Variants in AGXT2 observed in about 807,000 individuals in gnomAD.
The protein encoded by AGXT2 is alanine--glyoxylate aminotransferase 2, mitochondrial.
In AGXT2, 61 loss-of-function variants were observed where a neutral mutation model predicts 62.5. The ratio of observed to expected loss-of-function variants is 0.98; its 90% CI spans 0.79 to 1.21. The LOEUF (loss-of-function observed/expected upper bound fraction) is 1.21. AGXT2 is among the 50% of genes most tolerant of loss of function. The pLI is 0.00. For missense variants in AGXT2, 666 were observed against 641.5 expected (o/e 1.04, Z -0.41); for synonymous variants, 243 against 218.7 (o/e 1.11, Z -0.98).
chr5:35,010,266 CA>C, intron 11 of AGXT2, 117 bp from the exon 12 acceptor site: 1 of 1,303,556 alleles, frequency 7.7e-7, no homozygotes, highest in Non-Finnish European at 1.1e-6. Flanking sequence ...GAATGCAGAA[CA>C]AGTCTAGTGT....
chr5:35,034,052 G>C (rs1767679104), intron 5 of AGXT2, among the ~76,000 whole-genome samples: 1 of 152,054 alleles, frequency 6.6e-6, no homozygotes, highest in Non-Finnish European at 1.5e-5. Flanking sequence ...TAGTATAAAT[G>C]CTCCTAATCA....
intron 3 of AGXT2, 139 bp downstream of exon 3, chr5:35,039,185 A>G (rs923233899): frequency 2.4e-5 from 24 of 1,007,678 alleles, no homozygotes; most frequent in Middle Eastern, 3.2e-4. Context: ...CTCAGGAAAT[A>G]GCAGGGAGTA....
intron 5 of AGXT2, among the ~76,000 whole-genome samples, chr5:35,034,173 C>A (rs1482132935): frequency 1.3e-5 from 2 of 151,930 alleles, no homozygotes; most frequent in Non-Finnish European, 2.9e-5. Flanking sequence ...TAGGTTGGTG[C>A]AAAAGTAATT....
At chr5:35,032,973 T>G (rs959502998) in intron 6 of AGXT2, 148 bp from the exon 7 acceptor site, 32 of 709,366 alleles carry the variant, frequency 4.5e-5, no homozygotes, top group Non-Finnish European at 7.5e-5. Flanking sequence ...AAGGATCTGC[T>G]TTGAAGAGAT....
intron 12 of AGXT2, among the ~76,000 whole-genome samples, chr5:35,006,076 G>A (rs1258916778): frequency 6.6e-6 from 1 of 152,062 alleles, no homozygotes; most frequent in African/African-American, 2.4e-5. Context: ...ATAATATATG[G>A]TATATCTTGG....
At position 35,033,676 on chromosome 5, in the gene AGXT2, C is replaced by T. The variant is rs16870739; in HGVS notation, c.582-123G>A. The T allele has an allele frequency of 3.3e-3, 2,481 of 745,360 alleles. 27 individuals carry two copies. The highest frequency in any genetic ancestry group is 0.024 in the African/African-American group (1,375 of 57,768). 46.2% of individuals were successfully genotyped at this position (745,360 alleles called of 1,614,324 possible). A position where few individuals can be genotyped will look rare whatever the true frequency, so the allele number is the denominator to read the frequency against. On this transcript the variant is annotated intron_variant, in intron 5 of 13. Transcript: ENST00000231420. ...CATCATTCGCATTCACCTCTGATTT[C>T]TAAGAACGCATCTAAGCTTATGTCG...
At chr5:35,033,092 G>T in intron 6 of AGXT2, 1 of 501,058 alleles carries the variant, frequency 2.0e-6, no homozygotes, top group Non-Finnish European at 3.6e-6. Flanking sequence ...GCATCTGAAA[G>T]AATAAGAATA....
chr5:35,026,132 T>C (rs344514), intron 8 of AGXT2: 567,322 of 592,548 alleles, frequency 0.96, 273,132 homozygotes, highest in Non-Finnish European at 1. Context: ...CTTTGGACAA[T>C]GCGGATGTTA....
chr5:35,042,748 G>A (rs920017938), intron 1 of AGXT2, among the ~76,000 whole-genome samples: 3 of 151,020 alleles, frequency 2.0e-5, no homozygotes, highest in Admixed American at 2.0e-4. Context: ...GTGTGTGTGT[G>A]TGTGTGTGTG....
chr5:35,042,861 T>C (rs1482914620), intron 1 of AGXT2, among the ~76,000 whole-genome samples: 2 of 152,158 alleles, frequency 1.3e-5, no homozygotes, highest in African/African-American at 2.4e-5. Flanking sequence ...GTATTTGTTT[T>C]GTTTTGTCTT....
At position 34,998,750 on chromosome 5, in the gene AGXT2, A is replaced by G; in HGVS notation, c.1514T>C (p.Leu505Ser). ...DFAVEVFRSALTQHMERRAK is the reference protein window; with the variant it reads ...DFAVEVFRSASTQHMERRAK ...AGCTCTTCTTTCCATGTGTTGGGTT[A>G]AGGCAGAACGAAATACTTCTACTGC... The change falls in exon 14 of 14, where the codon TTA (leucine) becomes TCA (serine). Residue 505 changes from leucine (L) to serine (S), a missense_variant. By Grantham distance (145) the Leu-to-Ser change is moderately radical. Coordinates refer to ENST00000231420, the MANE Select transcript of AGXT2 (RefSeq NM_031900.4). 1 of 1,613,858 alleles carries G rather than the reference A, an allele frequency of 6.2e-7. No homozygotes were observed. The highest frequency in any genetic ancestry group is 8.5e-7 in the Non-Finnish European group (1 of 1,179,800).
At chr5:35,007,839 C>A (rs1347742085) in intron 12 of AGXT2, among the ~76,000 whole-genome samples, 12 of 152,086 alleles carry the variant, frequency 7.9e-5, no homozygotes. Flanking sequence ...GGGGGCAGAT[C>A]CCTCATGAAT....
At chr5:35,015,904 A>G (rs1766834777) in intron 9 of AGXT2, among the ~76,000 whole-genome samples, 1 of 148,422 alleles carries the variant, frequency 6.7e-6, no homozygotes, top group African/African-American at 2.5e-5. Flanking sequence ...TTCCTTTCTC[A>G]TTTTCAAGGA....
At chr5:35,014,595 T>A (rs758186205) in intron 9 of AGXT2, among the ~76,000 whole-genome samples, 2 of 152,176 alleles carry the variant, frequency 1.3e-5, no homozygotes, top group African/African-American at 4.8e-5. Context: ...AATTTGTGCC[T>A]GAGCTATTAG....
Position 35,009,981 on chromosome 5 carries a change from G to A in AGXT2, c.1338+19C>T. 1.2e-6 allele frequency: 2 copies of A among 1,614,090 alleles called. No individual in the cohort carries two copies. The highest frequency in any genetic ancestry group is 2.2e-5 in the South Asian group (2 of 91,086). On this transcript the variant is annotated intron_variant, in intron 12 of 13. Coordinates refer to ENST00000231420, the MANE Select transcript of AGXT2 (RefSeq NM_031900.4). ...GCTGGCTCCAAGCAGCTGAGAGAGAGGGGCAGATTAGCACCTACCTTATCC... is the reference window on the plus strand; with the variant it reads ...GCTGGCTCCAAGCAGCTGAGAGAGAAGGGCAGATTAGCACCTACCTTATCC...
In AGXT2 at chr5:35,014,181, C is replaced by T. The variant is rs187873532; in HGVS notation, c.964-62G>A. The T allele has an allele frequency of 3.7e-4, 599 of 1,606,910 alleles. 3 individuals are homozygous for T. Among genetic ancestry groups the T allele is most frequent in the South Asian group, 1.1e-3 (100 of 90,782 alleles). ...AAGAAATGCTGTTTTCGACAGGGCG[C>T]GGTGGCTCACACCTGTAATCCCAGC... On this transcript the variant is annotated intron_variant, in intron 9 of 13. Transcript: ENST00000231420.
intron 12 of AGXT2, among the ~76,000 whole-genome samples, chr5:35,006,428 G>A (rs1236479601): frequency 6.6e-6 from 1 of 152,174 alleles, no homozygotes; most frequent in Non-Finnish European, 1.5e-5. Context: ...CTTCTAGTGA[G>A]GGGCTCAGGA....
chr5:35,033,533 C>A lies in AGXT2; in HGVS notation c.602G>T (p.Ser201Ile), dbSNP rs1179231645. ...GTTTGTCAAGCCAAGTGTGTAAGGA[C>A]TGCATCCATGGTAGGCTCCTCTGCA... ...ISFRGAYHGC[S>I]PYTLGLTNVG... The change falls in exon 6 of 14, where the codon AGT (serine) becomes ATT (isoleucine). Residue 201 changes from serine (S) to isoleucine (I), a missense_variant. Physicochemically the swap from Ser to Ile is moderately radical, Grantham distance 142 (BLOSUM62 -2). Transcript: ENST00000231420. The A allele has an allele frequency of 6.2e-7, 1 of 1,613,672 alleles. No individual in the cohort carries two copies. The highest frequency in any genetic ancestry group is 8.5e-7 in the Non-Finnish European group (1 of 1,179,708).
At chr5:35,005,841 A>T (rs2112173989) in intron 12 of AGXT2, among the ~76,000 whole-genome samples, 1 of 151,344 alleles carries the variant, frequency 6.6e-6, no homozygotes, top group Non-Finnish European at 1.5e-5. Context: ...TCTTTTGGTG[A>T]ATCTATGTTT....
Sources: allele counts gnomAD v4.1 joint callset (sites outside exome capture counted in the v4.1 genomes callset), GRCh38; gene constraint gnomAD v4.1.1; transcripts MANE v1.5; gene names NCBI Gene and HGNC (gene_info 2026-07-23, HGNC 2026-07-21).